The following UBR4 variants were observed in gnomAD, a reference collection of about 807,000 sequenced individuals.
UBR4 encodes E3 ubiquitin-protein ligase UBR4.
A neutral mutation model predicts 575.6 loss-of-function variants in UBR4; 124 were observed. That is an observed-to-expected ratio of 0.22 (90% CI 0.19 to 0.25). The LOEUF (loss-of-function observed/expected upper bound fraction) is 0.25, where lower values mean the gene tolerates loss of function less well. Ranked by LOEUF, UBR4 falls within the 10% of genes least tolerant of loss-of-function variation. The pLI is 1.00. For synonymous variants in UBR4, 2,455 were observed against 2,473.7 expected (o/e 0.99, Z 0.22); for missense variants, 4,818 against 6,478.8 (o/e 0.74, Z 8.80).
chr1:19,087,792 C>A, intron 99 of UBR4, 24 bp downstream of exon 99: 1 of 1,585,898 alleles, frequency 6.3e-7, no homozygotes, highest in South Asian at 1.1e-5. Flanking sequence ...CCCTCAGGAC[C>A]GACCGTAGGC....
chr1:19,075,486 A>G (rs1391319720), intron 105 of UBR4: 2 of 162,694 alleles, frequency 1.2e-5, no homozygotes. Context: ...GGCATGTGCT[A>G]AGGTATGATG....
At chr1:19,202,209 G>A (rs1381657758) in intron 1 of UBR4, among the ~76,000 whole-genome samples, 1 of 152,012 alleles carries the variant, frequency 6.6e-6, no homozygotes, top group African/African-American at 2.4e-5. Flanking sequence ...AGATTGGGAA[G>A]GTGAAGCTTA....
chr1:19,074,976 A>G (rs1056768378), intron 105 of UBR4, 80 bp from the exon 106 acceptor site: 1 of 1,465,708 alleles, frequency 6.8e-7, no homozygotes, highest in African/African-American at 1.4e-5. Flanking sequence ...TGCCGCATCT[A>G]GCAGAGAACA....
intron 60 of UBR4, among the ~76,000 whole-genome samples, chr1:19,135,012 C>A (rs988331650): frequency 1.3e-5 from 2 of 152,010 alleles, no homozygotes; most frequent in Non-Finnish European, 1.5e-5. Flanking sequence ...CTTTGCCAAA[C>A]CCAAGTTATG....
Position 19,170,747 on chromosome 1 carries a change from C to T in UBR4, c.3643+15G>A. ...GTTGTAATAATATTACTCAAAAGCA[C>T]ATTTGTTCTCTTACCCAGAGTATTT... On this transcript the variant is annotated intron_variant, in intron 26 of 105. Transcript: ENST00000375254. 2 of 1,614,152 alleles carry T rather than the reference C, an allele frequency of 1.2e-6. No individual in the cohort carries two copies. The highest frequency in any genetic ancestry group is 2.2e-5 in the East Asian group (1 of 44,882).
In UBR4 at chr1:19,104,656, C is replaced by T. The variant is rs765899502; in HGVS notation, c.12656G>A (p.Arg4219His). ...GGTAGCCTCCTCCAGGGCCAGCAGA[C>T]GAGCTATTTCCTAAACAGGATGACA... is the stretch of plus-strand genomic sequence containing the variant. ...VGNLITKEIA[R>H]LLALEEATLS... Residue 4219 changes from arginine to histidine, a missense_variant, in exon 86 of 106, where the codon CGT (arginine) becomes CAT (histidine). Arg to His is a conservative substitution (Grantham distance 29, BLOSUM62 0). Transcript: ENST00000375254. 22 of 1,613,922 alleles carry T rather than the reference C, an allele frequency of 1.4e-5. No homozygotes were observed. Among genetic ancestry groups the T allele is most frequent in the South Asian group, 8.8e-5 (8 of 91,048 alleles).
rs764833369 is a variant in UBR4, at chr1:19,120,374, G to A, written c.10142-26C>T. 26 of 1,608,420 alleles carry A rather than the reference G, an allele frequency of 1.6e-5. No homozygotes were observed. The East Asian group carries it at 3.1e-4, about 19-fold the overall frequency. On this transcript the variant is annotated intron_variant, in intron 68 of 105. Transcript: ENST00000375254. Reference sequence around the variant, plus strand: ...CTGCAAGATTAGGACAGGACTAAGGGCTGAAGAGTAGGAAGAAGTCCTCCA... The same window carrying A: ...CTGCAAGATTAGGACAGGACTAAGGACTGAAGAGTAGGAAGAAGTCCTCCA...
In UBR4 at chr1:19,150,655, G is replaced by A; in HGVS notation, c.7352C>T (p.Ser2451Leu). The change falls in exon 49 of 106, where the codon TCA becomes TTA. Residue 2451 changes from serine (S) to leucine (L), a missense_variant. Ser to Leu is a moderately radical substitution (Grantham distance 145, BLOSUM62 -2). Coordinates refer to ENST00000375254, the MANE Select transcript of UBR4 (RefSeq NM_020765.3). ...AGTGCCGTTGCTCTGGTTCAGATTTGAAGGGCAGATGTTGCTGACAGAGGC... is the reference window on the plus strand; with the variant it reads ...AGTGCCGTTGCTCTGGTTCAGATTTAAAGGGCAGATGTTGCTGACAGAGGC... Reference protein sequence around the residue: ...PSASVSNICPSNLNQSNGTGD... With the variant: ...PSASVSNICPLNLNQSNGTGD... 6.2e-7 allele frequency: 1 copy of A among 1,614,110 alleles called. No homozygotes were observed. Among genetic ancestry groups the A allele is most frequent in the South Asian group, 1.1e-5 (1 of 91,072 alleles).
chr1:19,092,592 T>C (rs2077631056), intron 97 of UBR4: 2 of 457,696 alleles, frequency 4.4e-6, no homozygotes, highest in East Asian at 7.1e-5. Flanking sequence ...GTTCAACAGT[T>C]GCACAGGTGA....
At chr1:19,097,375 G>T (rs2078168438) in intron 90 of UBR4, 95 bp from the exon 91 acceptor site, 3 of 966,948 alleles carry the variant, frequency 3.1e-6, no homozygotes, top group Non-Finnish European at 4.4e-6. Context: ...CCAGCAATGT[G>T]GAGAGCCTCT....
Position 19,190,742 on chromosome 1 carries a change from C to T in UBR4, c.1394+1446G>A, listed in dbSNP as rs186633410. Among the ~76,000 whole-genome samples, 9 of 152,250 alleles carry T rather than the reference C, an allele frequency of 5.9e-5. No individual in the cohort carries two copies. The East Asian group carries it at 1.2e-3, about 20-fold the overall frequency. On this transcript the variant is annotated intron_variant, in intron 11 of 105. Transcript: ENST00000375254. ...TGTACCTTCCAAATATATTTCAATT[C>T]GGCCTCTTTTCTCAGCCTTTGCCGC... is the stretch of plus-strand genomic sequence containing the variant.
At chr1:19,096,786 T>C (rs982661627) in intron 91 of UBR4, 136 bp from the exon 92 acceptor site, 3 of 1,289,014 alleles carry the variant, frequency 2.3e-6, no homozygotes, top group African/African-American at 1.5e-5. Flanking sequence ...ACACGGCCAA[T>C]AAAAGGGGTC....
intron 17 of UBR4, among the ~76,000 whole-genome samples, chr1:19,182,927 T>C (rs559729760): frequency 2.8e-4 from 42 of 152,328 alleles, no homozygotes; most frequent in African/African-American, 9.9e-4. Context: ...CACATACATA[T>C]ACATATATGA....
At chr1:19,119,770 G>A in intron 69 of UBR4, 69 bp from the exon 70 acceptor site, 1 of 1,548,512 alleles carries the variant, frequency 6.5e-7, no homozygotes, top group South Asian at 1.2e-5. Context: ...TTATCATTGA[G>A]GCTCTGGTAC....
rs1384587403 is a variant in UBR4, at chr1:19,175,039, A to C, written c.2774-6T>G. The C allele has an allele frequency of 6.2e-7, 1 of 1,611,254 alleles. No homozygotes were observed. Among genetic ancestry groups the C allele is most frequent in the Non-Finnish European group, 8.5e-7 (1 of 1,177,818 alleles). ...TCTGGGGTGTGGGACAGCATCTGAA[A>C]AGTAATATGCTGATTAAAAGAATGG... On this transcript the variant is annotated splice_region_variant and splice_polypyrimidine_tract_variant and intron_variant, in intron 20 of 105. Transcript: ENST00000375254.
At chr1:19,159,840 AGCAATCCACCT>A (rs2087023178) in intron 39 of UBR4, among the ~76,000 whole-genome samples, 1 of 151,696 alleles carries the variant, frequency 6.6e-6, no homozygotes, top group African/African-American at 2.4e-5. Flanking sequence ...CCCAGGCTCA[AGCAATCCACCT>A]GCTTCAGGCA....
At position 19,113,389 on chromosome 1, in the gene UBR4, T is replaced by G. The variant is rs2080126542; in HGVS notation, c.11457+310A>C. 3 of 360,336 alleles carry G rather than the reference T, an allele frequency of 8.3e-6. No individual in the cohort carries two copies. The South Asian group carries it at 1.4e-4, about 16-fold the overall frequency. The allele number at this position is 360,336 out of a possible 1,614,324, so 22.3% of individuals were successfully genotyped here. On this transcript the variant is annotated intron_variant, in intron 77 of 105. Transcript: ENST00000375254. ...GAGGGAACAGAATCTTGGCATCAAA[T>G]TTTTTAAGACCAGTAACCCCTCTAC... is the stretch of plus-strand genomic sequence containing the variant.
intron 25 of UBR4, among the ~76,000 whole-genome samples, chr1:19,171,926 C>T (rs1026498629): frequency 2.6e-5 from 4 of 152,058 alleles, no homozygotes; most frequent in African/African-American, 9.7e-5. Flanking sequence ...TAAGAGAGCC[C>T]GGTGAAAACT....
intron 11 of UBR4, among the ~76,000 whole-genome samples, chr1:19,190,255 T>G (rs2091939236): frequency 8.1e-6 from 1 of 123,542 alleles, no homozygotes; most frequent in Admixed American, 1.0e-4. Flanking sequence ...ACTGCACCAC[T>G]ACACTCCAGC....
Sources: allele counts gnomAD v4.1 joint callset (sites outside exome capture counted in the v4.1 genomes callset), GRCh38; gene constraint gnomAD v4.1.1; transcripts MANE v1.5; gene names NCBI Gene and HGNC (gene_info 2026-07-23, HGNC 2026-07-21).